Variants in GPATCH2 observed in about 807,000 individuals in gnomAD.
The protein encoded by GPATCH2 is G-patch domain containing 2, also known as G patch domain-containing protein 2.
In GPATCH2, 51 loss-of-function variants were observed where a neutral mutation model predicts 58.0. The observed-to-expected ratio is 0.88, with a 90% CI of 0.70 to 1.11. GPATCH2 has a LOEUF of 1.11. Among genes scored for constraint, GPATCH2 ranks in the 50% most tolerant of loss-of-function variants. The pLI is 0.00. For missense variants in GPATCH2, 625 were observed against 652.2 expected (o/e 0.96, Z 0.45); for synonymous variants, 222 against 218.5 (o/e 1.02, Z -0.14).
chr1:217,618,221 CTTTTT>C (rs34863823), intron 2 of GPATCH2, among the ~76,000 whole-genome samples: 1 of 124,764 alleles, frequency 8.0e-6, no homozygotes. Flanking sequence ...CCTCTGGAAA[CTTTTT>C]TTTTTTTTTT....
At chr1:217,590,648 A>G (rs1380441468) in intron 5 of GPATCH2, among the ~76,000 whole-genome samples, 1 of 152,188 alleles carries the variant, frequency 6.6e-6, no homozygotes, top group Admixed American at 6.5e-5. Context: ...ATATTCGACC[A>G]GGGAATGCAC....
intron 5 of GPATCH2, among the ~76,000 whole-genome samples, chr1:217,557,632 A>T (rs1455508231): frequency 1.3e-5 from 2 of 151,996 alleles, no homozygotes; most frequent in African/African-American, 4.8e-5. Flanking sequence ...ACTTCATTTC[A>T]CCCTACATGG....
intron 5 of GPATCH2, among the ~76,000 whole-genome samples, chr1:217,575,474 T>C (rs1481855842): frequency 6.6e-6 from 1 of 152,166 alleles, no homozygotes; most frequent in Non-Finnish European, 1.5e-5. Context: ...TTTGAATTTA[T>C]TGGTCAAAAT....
At chr1:217,564,021 G>A (rs1341012341) in intron 5 of GPATCH2, among the ~76,000 whole-genome samples, 2 of 116,068 alleles carry the variant, frequency 1.7e-5, no homozygotes, top group African/African-American at 3.5e-5. Context: ...TCCAGCCTGC[G>A]CAACAACAGC....
intron 5 of GPATCH2, among the ~76,000 whole-genome samples, chr1:217,607,080 T>C (rs1245842311): frequency 1.3e-5 from 2 of 152,352 alleles, no homozygotes; most frequent in Non-Finnish European, 1.5e-5. Context: ...AATATCACTT[T>C]GCTCTCTATA....
In GPATCH2 at chr1:217,618,499, T is replaced by C. The variant is rs372306141; in HGVS notation, c.773+1284A>G. On this transcript the variant is annotated intron_variant, in intron 2 of 9. Coordinates refer to ENST00000366935, the MANE Select transcript of GPATCH2 (RefSeq NM_018040.5). ...CTGGGAGTAAAGGCATGAGCCGCCATGCTCAGCCACAATTTTTTAATGTAA... is the reference window on the plus strand; with the variant it reads ...CTGGGAGTAAAGGCATGAGCCGCCACGCTCAGCCACAATTTTTTAATGTAA... Among the ~76,000 whole-genome samples, 171 of 152,160 alleles carry C rather than the reference T, an allele frequency of 1.1e-3. 1 individual carries two copies. Among genetic ancestry groups the C allele is most frequent in the African/African-American group, 3.4e-3 (143 of 41,530 alleles).
intron 5 of GPATCH2, among the ~76,000 whole-genome samples, chr1:217,551,971 G>C (rs1474579747): frequency 6.6e-6 from 1 of 152,062 alleles, no homozygotes; most frequent in Non-Finnish European, 1.5e-5. Context: ...TACAGGCTAA[G>C]AACTTTATTA....
intron 9 of GPATCH2, among the ~76,000 whole-genome samples, chr1:217,440,295 T>C (rs1402879203): frequency 1.3e-5 from 2 of 152,192 alleles, no homozygotes; most frequent in Non-Finnish European, 2.9e-5. Context: ...AGAAAAGCCT[T>C]TGATAAAATT....
intron 5 of GPATCH2, among the ~76,000 whole-genome samples, chr1:217,577,966 C>T (rs1245092555): frequency 6.6e-6 from 1 of 151,476 alleles, no homozygotes; most frequent in Admixed American, 6.6e-5. Flanking sequence ...AGGCTGGTCT[C>T]GAACTCCCAA....
At chr1:217,518,951 C>G (rs972356684) in intron 5 of GPATCH2, among the ~76,000 whole-genome samples, 1 of 152,212 alleles carries the variant, frequency 6.6e-6, no homozygotes, top group African/African-American at 2.4e-5. Context: ...GAGGCACTGC[C>G]TCAGCCTCCC....
rs1039390006 is a variant in GPATCH2 at position 217,453,049 on chromosome 1, T to C, written c.1278-3712A>G. 9.8e-5 allele frequency among the ~76,000 whole-genome samples: 15 copies of C among 152,322 alleles called. No homozygotes were observed. In the South Asian group the frequency reaches 1.9e-3, roughly 19 times the overall value. On this transcript the variant is annotated intron_variant, in intron 8 of 9. Transcript: ENST00000366935. ...TAAGGTCTACTCTGTTATTTAGTTG[T>C]CACTCTTCATGTAAACAATAGCAGT...
chr1:217,603,677 C>G (rs1330344706), intron 5 of GPATCH2, among the ~76,000 whole-genome samples: 1 of 151,898 alleles, frequency 6.6e-6, no homozygotes, highest in Admixed American at 6.6e-5. Context: ...GACTGGAGTC[C>G]AGTGGCATGA....
chr1:217,438,965 G>C (rs1233533406), intron 9 of GPATCH2, among the ~76,000 whole-genome samples: 1 of 152,070 alleles, frequency 6.6e-6, no homozygotes, highest in African/African-American at 2.4e-5. Flanking sequence ...AGAGCAACGA[G>C]ACAGAAAATT....
chr1:217,616,619 C>T (rs960202511), intron 2 of GPATCH2, among the ~76,000 whole-genome samples: 1 of 152,096 alleles, frequency 6.6e-6, no homozygotes, highest in South Asian at 2.1e-4. Flanking sequence ...ACATTATGTA[C>T]GTGTTTCTAT....
intron 2 of GPATCH2, among the ~76,000 whole-genome samples, chr1:217,616,478 C>G (rs561037307): frequency 2.0e-5 from 3 of 152,230 alleles, no homozygotes; most frequent in Non-Finnish European, 4.4e-5. Context: ...ATAAGGAAAT[C>G]AGAATTCCCT....
intron 7 of GPATCH2, among the ~76,000 whole-genome samples, chr1:217,492,293 T>C (rs1337597014): frequency 1.3e-5 from 2 of 152,190 alleles, no homozygotes; most frequent in African/African-American, 4.8e-5. Context: ...AAGAAATTAT[T>C]GGCTTGGAAA....
At chr1:217,580,108 T>G (rs770018104) in intron 5 of GPATCH2, among the ~76,000 whole-genome samples, 1 of 152,196 alleles carries the variant, frequency 6.6e-6, no homozygotes, top group East Asian at 1.9e-4. Flanking sequence ...CACTTAGGAA[T>G]GTATTATACA....
intron 5 of GPATCH2, among the ~76,000 whole-genome samples, chr1:217,560,700 T>A (rs1186617390): frequency 6.6e-6 from 1 of 152,210 alleles, no homozygotes; most frequent in Non-Finnish European, 1.5e-5. Context: ...TGGGGCCAGG[T>A]TAATTCTTTG....
chr1:217,529,366 G>A (rs1038445916), intron 5 of GPATCH2, among the ~76,000 whole-genome samples: 12 of 152,144 alleles, frequency 7.9e-5, no homozygotes, highest in Non-Finnish European at 1.8e-4. Flanking sequence ...GATCCCTCAA[G>A]AATGGTTTGG....
Sources: gnomAD v4.1 joint callset for allele counts (sites outside exome capture counted in the v4.1 genomes callset) on GRCh38, gnomAD v4.1.1 for gene constraint, MANE v1.5 for transcripts, NCBI Gene and HGNC (gene_info 2026-07-23, HGNC 2026-07-21) for gene names.